Variants in RARB observed in about 807,000 individuals in gnomAD.
RARB encodes the protein HBV-activated protein.
Under a neutral mutation model 51.9 loss-of-function variants are expected in RARB, and 17 were observed. That is an observed-to-expected ratio of 0.33 (90% CI 0.22 to 0.49). RARB has a LOEUF of 0.49. RARB is among the 20% of genes least tolerant of loss of function. RARB has a pLI of 0.99. For synonymous variants in RARB, 215 were observed against 195.4 expected, an observed-to-expected ratio of 1.10 and a Z score of -0.84; for missense variants, 369 against 550.8, an observed-to-expected ratio of 0.67 and a Z score of 3.30.
intron 3 of RARB, among the ~76,000 whole-genome samples, chr3:25,106,154 G>C (rs1190844873): frequency 7.0e-6 from 1 of 143,046 alleles, no homozygotes; most frequent in Non-Finnish European, 1.5e-5. Context: ...ATTAAAAAAT[G>C]AAGGCTGTTC....
chr3:24,841,157 C>T (rs1192893679), intron 1 of RARB, among the ~76,000 whole-genome samples: 1 of 152,202 alleles, frequency 6.6e-6, no homozygotes, highest in East Asian at 1.9e-4. Context: ...TCCCCATTTT[C>T]TTTCTTGAAC....
intron 5 of RARB, among the ~76,000 whole-genome samples, chr3:25,326,879 T>G (rs1704734305): frequency 6.6e-6 from 1 of 152,106 alleles, no homozygotes. Flanking sequence ...AGGGTACATG[T>G]GCACAAAGTG....
chr3:25,186,769 T>C (rs1700986429), intron 5 of RARB, among the ~76,000 whole-genome samples: 1 of 152,080 alleles, frequency 6.6e-6, no homozygotes, highest in African/African-American at 2.4e-5. Context: ...GATTCATGAC[T>C]GAGACACCTA....
At position 24,919,917 on chromosome 3, in the gene RARB, G is replaced by T. The variant is rs985139114; in HGVS notation, c.-380+61165G>T. ...CAAAAGTCCAAAATGGCAAAATGAA[G>T]GTGTGTGGTCTCTGCCTACAAATTA... On this transcript the variant is annotated intron_variant, in intron 2 of 11. Coordinates refer to the RARB transcript ENST00000383772. Among the ~76,000 whole-genome samples, 6 of 152,244 alleles carry T rather than the reference G, an allele frequency of 3.9e-5. No individual in the cohort carries two copies. In the East Asian group the frequency reaches 9.7e-4, roughly 24 times the overall value.
intron 3 of RARB, among the ~76,000 whole-genome samples, chr3:25,517,075 A>G (rs1026741375): frequency 6.6e-6 from 1 of 152,258 alleles, no homozygotes. Context: ...ACATAAAGAC[A>G]TACAACTTGT....
At chr3:24,914,846 A>G (rs1265154532) in intron 2 of RARB, among the ~76,000 whole-genome samples, 1 of 152,218 alleles carries the variant, frequency 6.6e-6, no homozygotes, top group African/African-American at 2.4e-5. Flanking sequence ...TGGTAATCTC[A>G]GTACTAACAG....
intron 2 of RARB, among the ~76,000 whole-genome samples, chr3:24,893,051 G>C (rs1703415301): frequency 6.6e-6 from 1 of 152,198 alleles, no homozygotes; most frequent in South Asian, 2.1e-4. Flanking sequence ...CTAGGGTGAT[G>C]TTTAGTTATC....
chr3:25,562,498 C>T (rs927424433), intron 3 of RARB, among the ~76,000 whole-genome samples: 1 of 152,174 alleles, frequency 6.6e-6, no homozygotes, highest in Non-Finnish European at 1.5e-5. Context: ...TTGAGAATAG[C>T]CCATTGCTGC....
At chr3:25,237,806 T>A (rs2125394147) in intron 5 of RARB, among the ~76,000 whole-genome samples, 1 of 152,274 alleles carries the variant, frequency 6.6e-6, no homozygotes, top group African/African-American at 2.4e-5. Context: ...AAACCGCAAT[T>A]ACTTTTGCAC....
intron 5 of RARB, among the ~76,000 whole-genome samples, chr3:25,422,266 T>C (rs1707882621): frequency 6.6e-6 from 1 of 152,238 alleles, no homozygotes; most frequent in South Asian, 2.1e-4. Context: ...TAGAATCCTT[T>C]GTGCTTCCTT....
At chr3:25,261,887 C>A (rs1160741091) in intron 5 of RARB, among the ~76,000 whole-genome samples, 1 of 152,122 alleles carries the variant, frequency 6.6e-6, no homozygotes, top group Admixed American at 6.6e-5. Flanking sequence ...CTGACTCTCA[C>A]TAATTCAATC....
At chr3:25,220,061 C>T (rs981205691) in intron 5 of RARB, among the ~76,000 whole-genome samples, 1 of 152,124 alleles carries the variant, frequency 6.6e-6, no homozygotes, top group Non-Finnish European at 1.5e-5. Flanking sequence ...ATCTATATCA[C>T]CTTACATAAA....
At chr3:25,366,321 C>G (rs1353244107) in intron 5 of RARB, among the ~76,000 whole-genome samples, 2 of 152,126 alleles carry the variant, frequency 1.3e-5, no homozygotes, top group Non-Finnish European at 2.9e-5. Context: ...CCCATGTTCC[C>G]CCTACTAGAA....
In RARB at chr3:25,593,816, C is replaced by T. The variant is rs567907774; in HGVS notation, c.991+109C>T. On this transcript the variant is annotated intron_variant, in intron 6 of 7. Coordinates refer to ENST00000330688, the MANE Select transcript of RARB (RefSeq NM_000965.5). Reference sequence around the variant, plus strand: ...TTTGGAGTTGTTTTACATGGGAAAACATGTGAATAAAGCCAGGCATACATG... The same window carrying T: ...TTTGGAGTTGTTTTACATGGGAAAATATGTGAATAAAGCCAGGCATACATG... The T allele has an allele frequency of 3.9e-5, 42 of 1,079,814 alleles. No individual in the cohort carries two copies. The South Asian group carries it at 5.8e-4, about 15-fold the overall frequency. 66.9% of individuals were successfully genotyped at this position (1,079,814 alleles called of 1,614,324 possible).
chr3:24,998,675 A>C (rs1448165486), intron 2 of RARB, among the ~76,000 whole-genome samples: 1 of 152,084 alleles, frequency 6.6e-6, no homozygotes, highest in Non-Finnish European at 1.5e-5. Flanking sequence ...ACTGTAGCTT[A>C]ACATTCCTTT....
chr3:25,390,169 C>A (rs1706910141), intron 5 of RARB, among the ~76,000 whole-genome samples: 1 of 151,984 alleles, frequency 6.6e-6, no homozygotes, highest in African/African-American at 2.4e-5. Flanking sequence ...GAGGATAGGG[C>A]CCTTATGAAT....
At chr3:25,397,644 T>C (rs1437128397) in intron 5 of RARB, among the ~76,000 whole-genome samples, 1 of 152,226 alleles carries the variant, frequency 6.6e-6, no homozygotes, top group African/African-American at 2.4e-5. Flanking sequence ...TGAATTTATT[T>C]AAAAAGTATT....
chr3:25,210,497 G>A (rs980085629), intron 5 of RARB, among the ~76,000 whole-genome samples: 6 of 130,990 alleles, frequency 4.6e-5, no homozygotes, highest in Non-Finnish European at 9.7e-5. Flanking sequence ...GACTTCATCT[G>A]ACCCCTGAAA....
chr3:25,190,684 C>T (rs1701080473), intron 5 of RARB, among the ~76,000 whole-genome samples: 2 of 152,108 alleles, frequency 1.3e-5, no homozygotes, highest in South Asian at 2.1e-4. Context: ...GATAAATGCC[C>T]TTCCTCCAAA....
Sources: allele counts gnomAD v4.1 joint callset (sites outside exome capture counted in the v4.1 genomes callset), GRCh38; gene constraint gnomAD v4.1.1; transcripts MANE v1.5; gene names NCBI Gene and HGNC (gene_info 2026-07-23, HGNC 2026-07-21).